CNNM1: variants seen among roughly 807,000 people sequenced by gnomAD.
CNNM1 encodes the protein cyclin and CBS domain divalent metal cation transport mediator 1.
In CNNM1, 44 loss-of-function variants were observed where a neutral mutation model predicts 78.8. The observed-to-expected ratio is 0.56, with a 90% CI of 0.44 to 0.72. The LOEUF is 0.72. Among genes scored for constraint, CNNM1 ranks in the 30% least tolerant of loss-of-function variants. The pLI is 0.00. For missense variants in CNNM1, 1,101 were observed against 1,292.2 expected (o/e 0.85, Z 2.27); for synonymous variants, 584 against 581.5 (o/e 1.00, Z -0.06).
At chr10:99,386,177 A>G (rs1452124631) in intron 7 of CNNM1, among the ~76,000 whole-genome samples, 1 of 152,204 alleles carries the variant, frequency 6.6e-6, no homozygotes, top group Non-Finnish European at 1.5e-5. Context: ...AGTTGTTAAC[A>G]CTTTGCTGCT....
At position 99,330,135 on chromosome 10, in the gene CNNM1, G is replaced by A. The variant is rs755165496; in HGVS notation, c.748G>A (p.Asp250Asn). 3 of 1,547,932 alleles carry A rather than the reference G, an allele frequency of 1.9e-6. No individual in the cohort carries two copies. The highest frequency in any genetic ancestry group is 2.6e-6 in the Non-Finnish European group (3 of 1,153,530). Reference sequence around the variant, plus strand: ...CCTGCGCCTGAGCCTGCTGTCGCTGGACCCGGTGGAGTTACGGGTGCTGCG... The same window carrying A: ...CCTGCGCCTGAGCCTGCTGTCGCTGAACCCGGTGGAGTTACGGGTGCTGCG... ...SGLRLSLLSL[D>N]PVELRVLRNS... Residue 250 changes from aspartate (D) to asparagine (N), a missense_variant, in exon 1 of 11, where the codon GAC becomes AAC. Physicochemically the swap from Asp to Asn is conservative, Grantham distance 23 (BLOSUM62 1). Coordinates refer to ENST00000356713, the MANE Select transcript of CNNM1 (RefSeq NM_020348.3).
At position 99,377,113 on chromosome 10, in the gene CNNM1, G is replaced by A. The variant is rs780640884; in HGVS notation, c.2235G>A (p.Glu745=). ...GLNRSESPNR[E]RSDFGGSNTQ... ...ATCGCTCTGAGTCTCCAAACCGAGA[G>A]CGCAGTGACTTTGGGGGCAGCAACA... is the stretch of plus-strand genomic sequence containing the variant. Residue 745 remains glutamate (E), a synonymous_variant, in exon 7 of 11, where the codon GAG becomes GAA. Transcript: ENST00000356713. The A allele has an allele frequency of 5.0e-5, 81 of 1,606,572 alleles. No individual in the cohort carries two copies. The highest frequency in any genetic ancestry group is 6.5e-5 in the Non-Finnish European group (76 of 1,176,640).
chr10:99,350,601 T>TGATG (rs1187584583), intron 1 of CNNM1, among the ~76,000 whole-genome samples: 1 of 152,192 alleles, frequency 6.6e-6, no homozygotes, highest in Non-Finnish European at 1.5e-5. Context: ...AATACAGTTG[T>TGATG]GATGTTGCTG....
At chr10:99,345,386 A>T (rs1404658735) in intron 1 of CNNM1, among the ~76,000 whole-genome samples, 1 of 152,188 alleles carries the variant, frequency 6.6e-6, no homozygotes, top group Non-Finnish European at 1.5e-5. Context: ...CATCTCAGGT[A>T]TCTAGCTTAC....
intron 1 of CNNM1, among the ~76,000 whole-genome samples, chr10:99,356,545 A>ACAGG (rs2031168593): frequency 1.9e-5 from 2 of 107,354 alleles, no homozygotes; most frequent in African/African-American, 7.6e-5. Flanking sequence ...AGAAAGACAG[A>ACAGG]CAGACAGACA....
At chr10:99,345,754 A>G (rs2030662290) in intron 1 of CNNM1, among the ~76,000 whole-genome samples, 1 of 152,212 alleles carries the variant, frequency 6.6e-6, no homozygotes, top group Admixed American at 6.5e-5. Flanking sequence ...TGGGTCTTGA[A>G]GCTTTCCAGA....
chr10:99,387,452 C>T (rs913633532), intron 7 of CNNM1, among the ~76,000 whole-genome samples: 1 of 152,200 alleles, frequency 6.6e-6, no homozygotes, highest in Non-Finnish European at 1.5e-5. Flanking sequence ...CTTATTCTCA[C>T]CAAGTCACCC....
rs774884120 is a variant in CNNM1, at chr10:99,329,729, C to T, written c.342C>T (p.Gly114=). ...PRLVFIEEPP[G]GGGVAPSAVP... ...TCGTGTTCATCGAGGAGCCCCCGGG[C>T]GGTGGCGGCGTGGCCCCCAGCGCGG... The change falls in exon 1 of 11, where the codon GGC becomes GGT. Residue 114 remains glycine (G), a synonymous_variant. Transcript: ENST00000356713. 4 of 1,515,280 alleles carry T rather than the reference C, an allele frequency of 2.6e-6. No homozygotes were observed. The highest frequency in any genetic ancestry group is 5.3e-5 in the East Asian group (2 of 37,626). The allele number at this position is 1,515,280 out of a possible 1,614,324, so 93.9% of individuals were successfully genotyped here.
chr10:99,349,904 C>A (rs190091140), intron 1 of CNNM1, among the ~76,000 whole-genome samples: 18 of 152,240 alleles, frequency 1.2e-4, no homozygotes, highest in African/African-American at 4.3e-4. Flanking sequence ...GAGGCTGAGG[C>A]AGGAGAATTG....
intron 1 of CNNM1, among the ~76,000 whole-genome samples, chr10:99,340,876 T>TCCTTCCTGCCTG (rs71009744): frequency 1.6e-4 from 22 of 138,252 alleles, no homozygotes; most frequent in East Asian, 8.4e-4. Context: ...CTTCCTTCCT[T>TCCTTCCTGCCTG]CCTGCCTGCC....
At chr10:99,359,020 A>T (rs980264924) in intron 2 of CNNM1, among the ~76,000 whole-genome samples, 1 of 149,810 alleles carries the variant, frequency 6.7e-6, no homozygotes, top group Admixed American at 6.7e-5. Flanking sequence ...AAAAAAAAAA[A>T]AAAAAAAAAA....
At chr10:99,374,240 C>T (rs1410505956) in intron 6 of CNNM1, among the ~76,000 whole-genome samples, 1 of 152,202 alleles carries the variant, frequency 6.6e-6, no homozygotes, top group African/African-American at 2.4e-5. Flanking sequence ...TTGTTCTCTA[C>T]ATTACCATCA....
chr10:99,342,973 T>C (rs575193070), intron 1 of CNNM1, among the ~76,000 whole-genome samples: 5 of 152,268 alleles, frequency 3.3e-5, no homozygotes, highest in African/African-American at 1.2e-4. Flanking sequence ...TTTCTTTCTT[T>C]CTTTTTTTTG....
At chr10:99,362,431 G>A (rs1284103529) in intron 4 of CNNM1, 35 bp downstream of exon 4, 1 of 1,593,286 alleles carries the variant, frequency 6.3e-7, no homozygotes, top group Non-Finnish European at 8.5e-7. Flanking sequence ...CTGAGAGCCA[G>A]AGGAGGGCAT....
Position 99,330,591 on chromosome 10 carries a change from C to A in CNNM1, c.1204C>A (p.Arg402=), listed in dbSNP as rs1249931190. The change falls in exon 1 of 11, where the codon CGG becomes AGG. Residue 402 remains arginine (R), a synonymous_variant. Transcript: ENST00000356713. ...YTREKLLETL[R]AADPYSDLVK... ...GCGGGAGAAGTTGCTGGAGACGTTG[C>A]GGGCCGCAGACCCCTACAGTGACCT... 1 of 1,611,766 alleles carries A rather than the reference C, an allele frequency of 6.2e-7. No homozygotes were observed. The highest frequency in any genetic ancestry group is 8.5e-7 in the Non-Finnish European group (1 of 1,179,106).
intron 1 of CNNM1, among the ~76,000 whole-genome samples, chr10:99,335,374 C>T (rs936892097): frequency 2.6e-5 from 4 of 152,190 alleles, no homozygotes; most frequent in Non-Finnish European, 5.9e-5. Context: ...TATTTCTCAC[C>T]ACTGGACTGT....
chr10:99,331,064 T>C, intron 1 of CNNM1, 104 bp downstream of exon 1: 1 of 1,185,672 alleles, frequency 8.4e-7, no homozygotes, highest in South Asian at 1.5e-5. Context: ...TTCTCTCCTA[T>C]GGTACTAAAA....
At chr10:99,340,433 A>G (rs2030388821) in intron 1 of CNNM1, among the ~76,000 whole-genome samples, 1 of 152,106 alleles carries the variant, frequency 6.6e-6, no homozygotes, top group African/African-American at 2.4e-5. Flanking sequence ...ATCCTTTGTG[A>G]GTATTCTTTT....
At chr10:99,356,009 T>C (rs1229419914) in intron 1 of CNNM1, among the ~76,000 whole-genome samples, 1 of 152,186 alleles carries the variant, frequency 6.6e-6, no homozygotes, top group Non-Finnish European at 1.5e-5. Context: ...CTACCATTGC[T>C]GCTAACAAAC....
Sources: allele counts gnomAD v4.1 joint callset (sites outside exome capture counted in the v4.1 genomes callset), GRCh38; gene constraint gnomAD v4.1.1; transcripts MANE v1.5; gene names NCBI Gene and HGNC (gene_info 2026-07-23, HGNC 2026-07-21).